LINGO2: variants seen among roughly 807,000 people sequenced by gnomAD.
The protein encoded by LINGO2 is leucine-rich repeat and immunoglobulin-like domain-containing nogo receptor-interacting protein 2.
In LINGO2, 14 loss-of-function variants were observed where a neutral mutation model predicts 30.6. That is an observed-to-expected ratio of 0.46 (90% CI 0.30 to 0.72). The LOEUF is 0.72. Ranked by LOEUF, LINGO2 falls within the 30% of genes least tolerant of loss-of-function variation. LINGO2 has a pLI of 0.07. For missense variants in LINGO2, 729 were observed against 751.7 expected (o/e 0.97, Z 0.35); for synonymous variants, 317 against 288.5 (o/e 1.10, Z -1.00).
At chr9:29,152,867 C>G in the LINGO2 span, among the ~76,000 whole-genome samples, 1 of 152,042 alleles carries the variant, frequency 6.6e-6, no homozygotes, top group Non-Finnish European at 1.5e-5. Flanking sequence ...CTCTGAGTCA[C>G]TATTTGATTA....
chr9:29,031,959 A>C, the LINGO2 span, among the ~76,000 whole-genome samples: 1 of 152,196 alleles, frequency 6.6e-6, no homozygotes, highest in Non-Finnish European at 1.5e-5. Context: ...CATTTGTCAA[A>C]AATTTCAGAT....
chr9:28,366,042 C>G (rs2383770), intron 3 of LINGO2, among the ~76,000 whole-genome samples: 49,377 of 151,960 alleles, frequency 0.32, 8,265 homozygotes, highest in South Asian at 0.5. Context: ...AATGTTAAAT[C>G]TGGGCCAGAA....
the LINGO2 span, among the ~76,000 whole-genome samples, chr9:28,680,697 T>A: frequency 6.6e-6 from 1 of 152,282 alleles, no homozygotes; most frequent in South Asian, 2.1e-4. Flanking sequence ...ATTGTGGCTT[T>A]AACTTGCTTT....
chr9:28,676,993 TACA>T, the LINGO2 span, among the ~76,000 whole-genome samples: 2 of 152,088 alleles, frequency 1.3e-5, no homozygotes, highest in Non-Finnish European at 2.9e-5. Flanking sequence ...CTGTGTCTTG[TACA>T]ACATTAGCAA....
At chr9:28,904,439 T>A in the LINGO2 span, among the ~76,000 whole-genome samples, 3 of 152,058 alleles carry the variant, frequency 2.0e-5, no homozygotes, top group East Asian at 5.8e-4. Context: ...GAGGACATAA[T>A]CTTATATATA....
the LINGO2 span, among the ~76,000 whole-genome samples, chr9:28,708,761 T>TTATCTATCTATCTATC: frequency 0.041 from 6,092 of 147,806 alleles, 193 homozygotes; most frequent in African/African-American, 0.073. Flanking sequence ...TTTAAACTAA[T>TTATCTATCTATCTATC]TATCTATCTA....
chr9:28,782,765 C>T, the LINGO2 span, among the ~76,000 whole-genome samples: 1 of 152,152 alleles, frequency 6.6e-6, no homozygotes, highest in African/African-American at 2.4e-5. Context: ...CTTCTGCCTA[C>T]AACTTTAGAA....
chr9:28,150,813 G>T (rs1454035523), intron 4 of LINGO2, among the ~76,000 whole-genome samples: 1 of 152,196 alleles, frequency 6.6e-6, no homozygotes, highest in African/African-American at 2.4e-5. Flanking sequence ...ATCTCCACGA[G>T]AACCCACTGC....
the LINGO2 span, among the ~76,000 whole-genome samples, chr9:28,808,825 T>C: frequency 6.6e-6 from 1 of 152,190 alleles, no homozygotes; most frequent in South Asian, 2.1e-4. Context: ...CTTAACACTC[T>C]ATAAGTATTT....
At chr9:28,303,003 T>G (rs549272315) in intron 3 of LINGO2, among the ~76,000 whole-genome samples, 3 of 152,306 alleles carry the variant, frequency 2.0e-5, no homozygotes, top group South Asian at 2.1e-4. Context: ...TCTAGCACAA[T>G]AAATGCTCTG....
chr9:28,486,899 A>G (rs890876545), intron 1 of LINGO2, among the ~76,000 whole-genome samples: 1 of 152,096 alleles, frequency 6.6e-6, no homozygotes, highest in Non-Finnish European at 1.5e-5. Flanking sequence ...CAGTCTCTCC[A>G]TTAAGGGTAC....
At chr9:27,948,759 A>G (rs1823469605) in exon 6 of LINGO2, 4 of 1,409,656 alleles carry the variant, frequency 2.8e-6, no homozygotes, top group East Asian at 4.6e-5. Flanking sequence ...GCAGCTGCAC[A>G]TGGCTGCCTC....
At chr9:28,267,098 A>T (rs1564084405) in intron 4 of LINGO2, among the ~76,000 whole-genome samples, 1 of 151,412 alleles carries the variant, frequency 6.6e-6, no homozygotes, top group Admixed American at 6.6e-5. Flanking sequence ...GCCGAGGAGG[A>T]TGAGCAAGAA....
chr9:29,150,773 ATT>A, the LINGO2 span, among the ~76,000 whole-genome samples: 1 of 152,146 alleles, frequency 6.6e-6, no homozygotes, highest in South Asian at 2.1e-4. Context: ...CAATCCAATG[ATT>A]CATTGACATT....
intron 3 of LINGO2, among the ~76,000 whole-genome samples, chr9:28,314,968 C>A (rs1824784025): frequency 6.7e-6 from 1 of 149,650 alleles, no homozygotes; most frequent in African/African-American, 2.5e-5. Context: ...CGAGATCGCG[C>A]CACTCCAGTC....
intron 1 of LINGO2, among the ~76,000 whole-genome samples, chr9:28,583,376 A>G (rs1160744636): frequency 6.6e-6 from 1 of 152,014 alleles, no homozygotes; most frequent in African/African-American, 2.4e-5. Flanking sequence ...ATTTACTATT[A>G]TAGAGATTAT....
chr9:28,431,633 A>G (rs1277218457), intron 2 of LINGO2, among the ~76,000 whole-genome samples: 1 of 152,180 alleles, frequency 6.6e-6, no homozygotes, highest in East Asian at 1.9e-4. Flanking sequence ...CTAAAGTTAG[A>G]AACCAAAAGA....
At chr9:28,057,240 T>C (rs1049437925) in intron 4 of LINGO2, among the ~76,000 whole-genome samples, 2 of 152,092 alleles carry the variant, frequency 1.3e-5, no homozygotes, top group Admixed American at 6.6e-5. Context: ...ATATTCCACA[T>C]TTAACGCATT....
chr9:28,025,469 C>G (rs1047923296), intron 4 of LINGO2, among the ~76,000 whole-genome samples: 5 of 152,144 alleles, frequency 3.3e-5, no homozygotes, highest in Admixed American at 6.5e-5. Context: ...CTAAAAGAAG[C>G]CTGACTTATA....
Sources: allele counts gnomAD v4.1 joint callset (sites outside exome capture counted in the v4.1 genomes callset), GRCh38; gene constraint gnomAD v4.1.1; transcripts MANE v1.5; gene names NCBI Gene and HGNC (gene_info 2026-07-23, HGNC 2026-07-21).